The following ANXA8 variants were observed in gnomAD, a reference collection of about 807,000 sequenced individuals.
The protein encoded by ANXA8 is annexin A8.
Under a neutral mutation model 26.8 loss-of-function variants are expected in ANXA8, and 9 were observed. The observed-to-expected ratio is 0.34, with a 90% CI of 0.20 to 0.59. The LOEUF (loss-of-function observed/expected upper bound fraction) is 0.59, where lower values mean the gene tolerates loss of function less well. Among genes scored for constraint, ANXA8 ranks in the 20% least tolerant of loss-of-function variants. The pLI, the probability that ANXA8 is intolerant of heterozygous loss-of-function variation, is 0.84. For missense variants in ANXA8, 83 were observed against 238.5 expected (o/e 0.35, Z 4.29); for synonymous variants, 39 against 94.8 (o/e 0.41, Z 3.42).
the ANXA8 span, among the ~76,000 whole-genome samples, chr10:47,585,122 G>C: frequency 7.0e-6 from 1 of 143,752 alleles, no homozygotes; most frequent in East Asian, 2.0e-4. Context: ...AATTAGCCAG[G>C]CATGGTGGTG....
chr10:47,779,106 G>C, the ANXA8 span, among the ~76,000 whole-genome samples: 1 of 144,980 alleles, frequency 6.9e-6, no homozygotes, highest in Admixed American at 6.9e-5. Flanking sequence ...TTTTAGGTCT[G>C]AAAACTTTTT....
chr10:47,626,417 T>G, the ANXA8 span, among the ~76,000 whole-genome samples: 1 of 150,324 alleles, frequency 6.7e-6, no homozygotes, highest in African/African-American at 2.5e-5. Flanking sequence ...AATAAAACTT[T>G]GAGAAAGTAG....
At chr10:47,684,651 T>A in the ANXA8 span, among the ~76,000 whole-genome samples, 6 of 151,844 alleles carry the variant, frequency 4.0e-5, no homozygotes, top group African/African-American at 1.2e-4. Flanking sequence ...AGTGGCCCGA[T>A]CTTGGCTCAC....
the ANXA8 span, among the ~76,000 whole-genome samples, chr10:47,590,813 C>G: frequency 7.3e-6 from 1 of 136,284 alleles, no homozygotes; most frequent in Non-Finnish European, 1.5e-5. Context: ...ATCACACCAT[C>G]ATGTCTCATC....
At chr10:47,618,651 T>G in the ANXA8 span, among the ~76,000 whole-genome samples, 1 of 114,802 alleles carries the variant, frequency 8.7e-6, no homozygotes, top group African/African-American at 3.4e-5. Flanking sequence ...TAACTGCTCA[T>G]TATTTTGGTC....
At chr10:47,486,837 G>T (rs1246212442), upstream of ANXA8, among the ~76,000 whole-genome samples, 730 of 140,486 alleles carry the variant, frequency 5.2e-3, 86 homozygotes, top group African/African-American at 0.017. Flanking sequence ...GCCAGAGATG[G>T]TGGCCTGCGC....
At chr10:47,669,484 C>T in the ANXA8 span, among the ~76,000 whole-genome samples, 6 of 151,490 alleles carry the variant, frequency 4.0e-5, no homozygotes, top group East Asian at 5.8e-4. Context: ...TTTGGGAGGT[C>T]GAGGCAGGTA....
chr10:47,655,740 G>A, the ANXA8 span, among the ~76,000 whole-genome samples: 1 of 152,014 alleles, frequency 6.6e-6, no homozygotes, highest in Non-Finnish European at 1.5e-5. Context: ...TTTAGCTGCG[G>A]CCGGGCAAGG....
At chr10:47,694,345 T>G in the ANXA8 span, among the ~76,000 whole-genome samples, 174 of 151,010 alleles carry the variant, frequency 1.2e-3, 1 homozygote, top group African/African-American at 2.9e-3. Flanking sequence ...TCCTAATGAG[T>G]CAGTGAACTT....
chr10:47,950,533 T>C, the ANXA8 span, among the ~76,000 whole-genome samples: 5 of 150,686 alleles, frequency 3.3e-5, no homozygotes, highest in African/African-American at 7.4e-5. Flanking sequence ...AGAATCCACA[T>C]TGTTTCCAAC....
At chr10:47,693,415 G>A in the ANXA8 span, among the ~76,000 whole-genome samples, 1 of 151,086 alleles carries the variant, frequency 6.6e-6, no homozygotes, top group Non-Finnish European at 1.5e-5. Flanking sequence ...TCAGCCTCCC[G>A]AATAGCTGGG....
the ANXA8 span, among the ~76,000 whole-genome samples, chr10:47,622,042 C>G: frequency 3.6e-5 from 4 of 110,674 alleles, 1 homozygote; most frequent in African/African-American, 1.4e-4. Flanking sequence ...AAATTGGTAT[C>G]TGAAAAAAAT....
the ANXA8 span, among the ~76,000 whole-genome samples, chr10:47,735,516 G>A: frequency 6.7e-6 from 1 of 148,958 alleles, no homozygotes; most frequent in South Asian, 2.1e-4. Flanking sequence ...TCCTTCAGTT[G>A]TTTTATGCAT....
intron 11 of ANXA8, among the ~76,000 whole-genome samples, chr10:47,469,937 G>A (rs1839272172): frequency 1.3e-5 from 2 of 151,478 alleles, no homozygotes; most frequent in Admixed American, 1.3e-4. Flanking sequence ...GGAGTGCAGT[G>A]ATGCAGTCCT....
At chr10:47,974,740 C>T in the ANXA8 span, among the ~76,000 whole-genome samples, 15 of 147,942 alleles carry the variant, frequency 1.0e-4, no homozygotes, top group African/African-American at 2.9e-4. Context: ...CTATTTTTAT[C>T]GCACTGTGGT....
the ANXA8 span, among the ~76,000 whole-genome samples, chr10:47,733,182 T>TTTC: frequency 8.8e-6 from 1 of 113,010 alleles, no homozygotes; most frequent in Non-Finnish European, 2.1e-5. Flanking sequence ...TCTTTCTTTC[T>TTTC]TTCTTTCTTT....
chr10:47,631,093 T>C, the ANXA8 span, among the ~76,000 whole-genome samples: 1 of 150,160 alleles, frequency 6.7e-6, no homozygotes, highest in Non-Finnish European at 1.5e-5. Context: ...ATATCACCTA[T>C]GGATAATTAA....
At chr10:47,637,679 G>A in the ANXA8 span, among the ~76,000 whole-genome samples, 3 of 125,332 alleles carry the variant, frequency 2.4e-5, no homozygotes, top group African/African-American at 3.7e-5. Flanking sequence ...GTAGTTGCTG[G>A]GAACTATGCA....
At chr10:47,537,424 C>T in the ANXA8 span, among the ~76,000 whole-genome samples, 58 of 150,916 alleles carry the variant, frequency 3.8e-4, no homozygotes, top group East Asian at 2.6e-3. Context: ...CCATATTATG[C>T]TTAGGCTGAG....
Sources: gnomAD v4.1 joint callset for allele counts (sites outside exome capture counted in the v4.1 genomes callset) on GRCh38, gnomAD v4.1.1 for gene constraint, MANE v1.5 for transcripts, NCBI Gene and HGNC (gene_info 2026-07-23, HGNC 2026-07-21) for gene names.